Variants in KCNH8 observed in about 807,000 individuals in gnomAD.
The protein encoded by KCNH8 is voltage-gated delayed rectifier potassium channel KCNH8.
A neutral mutation model predicts 103.6 loss-of-function variants in KCNH8; 70 were observed. The observed-to-expected ratio is 0.68, with a 90% CI of 0.56 to 0.82. KCNH8 has a LOEUF of 0.82. KCNH8 is among the 40% of genes least tolerant of loss of function. KCNH8 has a pLI of 0.00. For synonymous variants in KCNH8, 498 were observed against 489.4 expected, an observed-to-expected ratio of 1.02 and a Z score of -0.23; for missense variants, 1,217 against 1,329.9, an observed-to-expected ratio of 0.92 and a Z score of 1.32.
chr3:19,422,320 A>G (rs1029011263), intron 7 of KCNH8, among the ~76,000 whole-genome samples: 5 of 152,162 alleles, frequency 3.3e-5, no homozygotes, highest in Non-Finnish European at 7.4e-5. Context: ...CTAATCTTCC[A>G]AATCAGAAAG....
intron 1 of KCNH8, among the ~76,000 whole-genome samples, chr3:19,163,242 T>A (rs1461259791): frequency 6.6e-6 from 1 of 151,008 alleles, no homozygotes; most frequent in Non-Finnish European, 1.5e-5. Flanking sequence ...ATTATTGTGT[T>A]TAGTGTACTA....
intron 14 of KCNH8, 79 bp from the exon 15 acceptor site, chr3:19,517,917 CTT>C: frequency 8.7e-7 from 1 of 1,144,998 alleles, no homozygotes; most frequent in Admixed American, 1.8e-5. Context: ...CGTGGACTTT[CTT>C]TCATATTCTA....
intron 1 of KCNH8, among the ~76,000 whole-genome samples, chr3:19,216,172 C>T (rs2063815831): frequency 6.6e-6 from 1 of 152,204 alleles, no homozygotes; most frequent in African/African-American, 2.4e-5. Flanking sequence ...ATCACTCTCC[C>T]ATTAAATTTT....
chr3:19,523,744 C>A (rs2125249623), intron 15 of KCNH8, among the ~76,000 whole-genome samples: 1 of 151,990 alleles, frequency 6.6e-6, no homozygotes, highest in Admixed American at 6.6e-5. Context: ...AAATAGAAAA[C>A]TGGATACTGG....
chr3:19,163,160 A>G (rs2063250102), intron 1 of KCNH8, among the ~76,000 whole-genome samples: 1 of 151,884 alleles, frequency 6.6e-6, no homozygotes, highest in Non-Finnish European at 1.5e-5. Flanking sequence ...CTTCAGAATA[A>G]CACCAACAAC....
chr3:19,253,078 C>T (rs918144908), intron 1 of KCNH8, among the ~76,000 whole-genome samples: 6 of 152,088 alleles, frequency 3.9e-5, no homozygotes, highest in African/African-American at 1.2e-4. Context: ...TAGTTGTACT[C>T]CTCACAATTA....
chr3:19,256,529 G>A (rs1161440073), intron 2 of KCNH8, among the ~76,000 whole-genome samples: 1 of 152,070 alleles, frequency 6.6e-6, no homozygotes, highest in East Asian at 1.9e-4. Context: ...GAAGGGGAAA[G>A]GATTTCCTTT....
At chr3:19,463,569 A>T (rs2067677420) in intron 11 of KCNH8, among the ~76,000 whole-genome samples, 1 of 152,152 alleles carries the variant, frequency 6.6e-6, no homozygotes, top group South Asian at 2.1e-4. Flanking sequence ...AAAGGCGTAA[A>T]CTTTTAAATT....
intron 11 of KCNH8, among the ~76,000 whole-genome samples, chr3:19,488,325 C>T (rs143729124): frequency 1.5e-4 from 23 of 152,344 alleles, no homozygotes; most frequent in Admixed American, 6.5e-4. Context: ...AGTAAGTTGG[C>T]GTTTCCGCCT....
intron 1 of KCNH8, among the ~76,000 whole-genome samples, chr3:19,210,364 A>G (rs988930483): frequency 1.3e-5 from 2 of 152,022 alleles, no homozygotes; most frequent in African/African-American, 4.8e-5. Flanking sequence ...TATCCTTCCA[A>G]TTGTATACTT....
chr3:19,367,285 G>A (rs540925483), intron 5 of KCNH8, among the ~76,000 whole-genome samples: 3 of 150,964 alleles, frequency 2.0e-5, no homozygotes, highest in South Asian at 2.1e-4. Flanking sequence ...TTGTTACCCC[G>A]ATTACCATGA....
chr3:19,395,456 GAC>G (rs199577596), intron 7 of KCNH8, 145 bp downstream of exon 7: 11,598 of 577,124 alleles, frequency 0.02, 172 homozygotes, highest in Non-Finnish European at 0.028. Flanking sequence ...TTGAATCCAT[GAC>G]ACAAGTAATT....
chr3:19,510,067 A>T (rs2068757837), intron 11 of KCNH8, among the ~76,000 whole-genome samples: 1 of 152,058 alleles, frequency 6.6e-6, no homozygotes. Context: ...CACTATTGTG[A>T]TCATTATTTT....
chr3:19,438,829 A>G (rs139008110), intron 8 of KCNH8, among the ~76,000 whole-genome samples: 2,264 of 152,266 alleles, frequency 0.015, 61 homozygotes, highest in African/African-American at 0.048. Flanking sequence ...CCTTGAAACT[A>G]TGGATCAAGT....
At chr3:19,178,221 A>AT (rs958122155) in intron 1 of KCNH8, among the ~76,000 whole-genome samples, 1 of 151,930 alleles carries the variant, frequency 6.6e-6, no homozygotes, top group Non-Finnish European at 1.5e-5. Context: ...ATACCTGGAG[A>AT]TTTTTTTATT....
intron 9 of KCNH8, chr3:19,450,707 C>A: frequency 3.6e-6 from 1 of 280,938 alleles, no homozygotes; most frequent in Middle Eastern, 1.3e-3. Context: ...CAGAAACACC[C>A]CAGACTGCCA....
intron 11 of KCNH8, among the ~76,000 whole-genome samples, chr3:19,485,043 C>T (rs1438521469): frequency 3.3e-5 from 5 of 151,974 alleles, no homozygotes; most frequent in Non-Finnish European, 5.9e-5. Context: ...TTTGATAGTC[C>T]GATTCATTCA....
At chr3:19,501,292 A>G (rs185982190) in intron 11 of KCNH8, among the ~76,000 whole-genome samples, 24 of 152,352 alleles carry the variant, frequency 1.6e-4, no homozygotes, top group Admixed American at 1.3e-3. Context: ...TCAATAGCTT[A>G]CCAACGAAAA....
At chr3:19,367,443 A>G (rs1473838101) in intron 5 of KCNH8, among the ~76,000 whole-genome samples, 1 of 147,542 alleles carries the variant, frequency 6.8e-6, no homozygotes, top group African/African-American at 2.5e-5. Flanking sequence ...CATAATATAT[A>G]TATATCAGAA....
Sources: gnomAD v4.1 joint callset for allele counts (sites outside exome capture counted in the v4.1 genomes callset) on GRCh38, gnomAD v4.1.1 for gene constraint, MANE v1.5 for transcripts, NCBI Gene and HGNC (gene_info 2026-07-23, HGNC 2026-07-21) for gene names.